The following CNTNAP2 variants were observed in gnomAD, a reference collection of about 807,000 sequenced individuals.
CNTNAP2 encodes contactin-associated protein-like 2.
A neutral mutation model predicts 155.2 loss-of-function variants in CNTNAP2; 98 were observed. That is an observed-to-expected ratio of 0.63 (90% CI 0.54 to 0.75). The LOEUF (loss-of-function observed/expected upper bound fraction) is 0.75. CNTNAP2 is among the 30% of genes least tolerant of loss of function. The pLI, the probability that CNTNAP2 is intolerant of heterozygous loss-of-function variation, is 0.00. For missense variants in CNTNAP2, 1,727 were observed against 1,688.1 expected, an observed-to-expected ratio of 1.02 and a Z score of -0.40; for synonymous variants, 651 against 631.2, an observed-to-expected ratio of 1.03 and a Z score of -0.47.
intron 14 of CNTNAP2, among the ~76,000 whole-genome samples, chr7:147,948,454 A>G (rs1003176665): frequency 5.9e-5 from 9 of 151,568 alleles, no homozygotes. Context: ...TATACCCAGA[A>G]AATTATTTTA....
intron 2 of CNTNAP2, among the ~76,000 whole-genome samples, chr7:146,831,130 A>G (rs536278800): frequency 1.3e-5 from 2 of 152,318 alleles, no homozygotes; most frequent in Admixed American, 1.3e-4. Context: ...TGCCTCCTCT[A>G]TCACCAGACC....
At chr7:146,421,538 C>A (rs986314571) in intron 1 of CNTNAP2, among the ~76,000 whole-genome samples, 1 of 151,856 alleles carries the variant, frequency 6.6e-6, no homozygotes, top group Non-Finnish European at 1.5e-5. Flanking sequence ...AGAAAATAAT[C>A]TTTTAAATGT....
chr7:147,205,666 G>A (rs1316724321), intron 8 of CNTNAP2, among the ~76,000 whole-genome samples: 1 of 151,620 alleles, frequency 6.6e-6, no homozygotes, highest in East Asian at 1.9e-4. Context: ...CTCTTATGTG[G>A]GAGCTAAAAA....
intron 15 of CNTNAP2, among the ~76,000 whole-genome samples, chr7:148,025,595 T>C (rs1428396423): frequency 1.3e-5 from 2 of 152,252 alleles, no homozygotes; most frequent in African/African-American, 4.8e-5. Flanking sequence ...CAGGCTGCTA[T>C]ACAAATACTT....
chr7:146,264,866 A>G (rs1346809821), intron 1 of CNTNAP2, among the ~76,000 whole-genome samples: 1 of 152,210 alleles, frequency 6.6e-6, no homozygotes, highest in African/African-American at 2.4e-5. Flanking sequence ...CTGCCAAATG[A>G]CAGCCACTGG....
At chr7:146,286,417 C>G (rs1381210791) in intron 1 of CNTNAP2, among the ~76,000 whole-genome samples, 1 of 152,082 alleles carries the variant, frequency 6.6e-6, no homozygotes, top group Non-Finnish European at 1.5e-5. Context: ...AGGGTACATG[C>G]CACTTAGTCA....
intron 13 of CNTNAP2, among the ~76,000 whole-genome samples, chr7:147,653,193 CCTT>C (rs1386553901): frequency 1.3e-5 from 2 of 152,072 alleles, no homozygotes; most frequent in Non-Finnish European, 2.9e-5. Flanking sequence ...AAGGTTATCC[CCTT>C]CTTTTCAGAC....
intron 13 of CNTNAP2, among the ~76,000 whole-genome samples, chr7:147,684,005 G>T (rs563073585): frequency 1.3e-5 from 2 of 151,612 alleles, no homozygotes; most frequent in African/African-American, 4.8e-5. Context: ...GATGATGCCG[G>T]TTTGAAATTC....
chr7:146,955,897 C>T (rs928857782), intron 3 of CNTNAP2, among the ~76,000 whole-genome samples: 4 of 151,908 alleles, frequency 2.6e-5, no homozygotes, highest in Non-Finnish European at 5.9e-5. Context: ...TATTACTTAC[C>T]GCAGTAAACG....
At chr7:147,806,735 A>G (rs1798097319) in intron 13 of CNTNAP2, among the ~76,000 whole-genome samples, 2 of 152,214 alleles carry the variant, frequency 1.3e-5, no homozygotes, top group South Asian at 4.1e-4. Flanking sequence ...ATTAAGTGAA[A>G]TAAGCCAGGC....
At chr7:146,321,881 A>G (rs1296455156) in intron 1 of CNTNAP2, among the ~76,000 whole-genome samples, 1 of 152,176 alleles carries the variant, frequency 6.6e-6, no homozygotes, top group Non-Finnish European at 1.5e-5. Flanking sequence ...TAGTGGCTCC[A>G]TTATTTCTTT....
intron 14 of CNTNAP2, among the ~76,000 whole-genome samples, chr7:147,931,789 T>C (rs1485486728): frequency 6.6e-6 from 1 of 152,156 alleles, no homozygotes; most frequent in Non-Finnish European, 1.5e-5. Context: ...AAACTTAATA[T>C]CATTAAAATG....
At chr7:146,911,956 T>C (rs1157739693) in intron 3 of CNTNAP2, among the ~76,000 whole-genome samples, 6 of 152,168 alleles carry the variant, frequency 3.9e-5, no homozygotes, top group Admixed American at 6.6e-5. Flanking sequence ...CATGGTATAA[T>C]GATTTCTTTC....
chr7:147,870,394 C>T (rs1416895574), intron 13 of CNTNAP2, among the ~76,000 whole-genome samples: 1 of 152,132 alleles, frequency 6.6e-6, no homozygotes, highest in Non-Finnish European at 1.5e-5. Flanking sequence ...AGAAATGGGC[C>T]TGCCTGAGTA....
intron 21 of CNTNAP2, among the ~76,000 whole-genome samples, chr7:148,355,166 CTT>C (rs1167992306): frequency 1.7e-4 from 7 of 41,024 alleles, no homozygotes; most frequent in African/African-American, 6.2e-4. Context: ...CCGCCAGCTG[CTT>C]TTTTTTTTTT....
At chr7:148,106,537 A>G (rs538787677) in intron 15 of CNTNAP2, among the ~76,000 whole-genome samples, 4 of 130,418 alleles carry the variant, frequency 3.1e-5, no homozygotes, top group Non-Finnish European at 4.6e-5. Context: ...TTTTTTTCCT[A>G]ATAAATAGAG....
At position 146,652,757 on chromosome 7, in the gene CNTNAP2, ATAAAG is replaced by A. The variant is rs1186581324; in HGVS notation, c.98-121508_98-121504del. On this transcript the variant is annotated intron_variant, in intron 1 of 23. Coordinates refer to ENST00000361727, the MANE Select transcript of CNTNAP2 (RefSeq NM_014141.6). ...ACAGAAATCAAAGTGTAGAATTACA[ATAAAG>A]TAAAGAGACTGGATCATTTCAGTCT... Among the ~76,000 whole-genome samples, 12 of 152,306 alleles carry A rather than the reference ATAAAG, an allele frequency of 7.9e-5. No individual in the cohort carries two copies. The East Asian group carries it at 2.1e-3, about 27-fold the overall frequency.
intron 11 of CNTNAP2, among the ~76,000 whole-genome samples, chr7:147,549,505 G>T (rs530088378): frequency 5.3e-5 from 8 of 152,262 alleles, no homozygotes; most frequent in African/African-American, 1.9e-4. Flanking sequence ...TTGGGGCTGA[G>T]ATGATGGGGT....
chr7:147,438,181 T>C (rs1159498316), intron 10 of CNTNAP2, among the ~76,000 whole-genome samples: 4 of 152,098 alleles, frequency 2.6e-5, no homozygotes, highest in African/African-American at 9.7e-5. Context: ...AGCAACTTCG[T>C]CATGTTACAG....
Sources: allele counts gnomAD v4.1 joint callset (sites outside exome capture counted in the v4.1 genomes callset), GRCh38; gene constraint gnomAD v4.1.1; transcripts MANE v1.5; gene names NCBI Gene and HGNC (gene_info 2026-07-23, HGNC 2026-07-21).